TPTE: variants seen among roughly 807,000 people sequenced by gnomAD.
TPTE encodes putative tyrosine-protein phosphatase TPTE.
In TPTE, 59 loss-of-function variants were observed where a neutral mutation model predicts 84.1. That is an observed-to-expected ratio of 0.70 (90% CI 0.57 to 0.87). The LOEUF (loss-of-function observed/expected upper bound fraction) is 0.87, where lower values mean the gene tolerates loss of function less well. TPTE is among the 40% of genes least tolerant of loss of function. The pLI, the probability that TPTE is intolerant of heterozygous loss-of-function variation, is 0.00. For missense variants in TPTE, 382 were observed against 659.6 expected (o/e 0.58, Z 4.61); for synonymous variants, 130 against 223.5 (o/e 0.58, Z 3.73).
At chr21:10,549,306 A>G (rs2074528944) in intron 7 of TPTE, among the ~76,000 whole-genome samples, 1 of 152,308 alleles carries the variant, frequency 6.6e-6, no homozygotes, top group South Asian at 2.1e-4. Context: ...AAACACAGCA[A>G]CCATGAAAAT....
At chr21:10,545,385 C>T in intron 7 of TPTE, among the ~76,000 whole-genome samples, 1 of 152,428 alleles carries the variant, frequency 6.6e-6, no homozygotes, top group African/African-American at 2.4e-5. Flanking sequence ...AAATCATTGA[C>T]ATACACATTT....
chr21:10,561,793 T>C (rs1287280884), intron 10 of TPTE, among the ~76,000 whole-genome samples: 4 of 152,304 alleles, frequency 2.6e-5, no homozygotes, highest in Non-Finnish European at 5.9e-5. Context: ...TGGATCCACC[T>C]GTAGGCTAGG....
At chr21:10,574,249 TA>T (rs2075105857) in intron 14 of TPTE, among the ~76,000 whole-genome samples, 1 of 152,310 alleles carries the variant, frequency 6.6e-6, no homozygotes, top group South Asian at 2.1e-4. Flanking sequence ...TCAATAAAAA[TA>T]TAACTATCGA....
intron 15 of TPTE, among the ~76,000 whole-genome samples, chr21:10,578,081 A>G (rs1305844209): frequency 6.6e-6 from 1 of 152,302 alleles, no homozygotes; most frequent in Non-Finnish European, 1.5e-5. Flanking sequence ...AATATAATGA[A>G]TAGTCTGCTA....
chr21:10,593,487 A>T (rs1172249300), intron 19 of TPTE, among the ~76,000 whole-genome samples: 1 of 152,306 alleles, frequency 6.6e-6, no homozygotes, highest in Admixed American at 6.5e-5. Context: ...ATTTCTCACC[A>T]TTTTTTATTA....
intron 3 of TPTE, among the ~76,000 whole-genome samples, chr21:10,536,139 G>A (rs1360370082): frequency 6.6e-6 from 1 of 152,308 alleles, no homozygotes; most frequent in Non-Finnish European, 1.5e-5. Context: ...TTAGCCAGGT[G>A]TGGTGGTGCA....
chr21:10,602,636 T>G, intron 22 of TPTE: 1 of 517,266 alleles, frequency 1.9e-6, no homozygotes, highest in East Asian at 5.4e-5. Flanking sequence ...CTGGGAGCAC[T>G]GACTGGAAAG....
At chr21:10,573,989 C>T (rs1341400547) in intron 14 of TPTE, among the ~76,000 whole-genome samples, 1 of 152,308 alleles carries the variant, frequency 6.6e-6, no homozygotes, top group Non-Finnish European at 1.5e-5. Flanking sequence ...AAATAAACTC[C>T]AACTCTTGAT....
intron 14 of TPTE, among the ~76,000 whole-genome samples, chr21:10,574,770 C>T (rs375743023): frequency 6.6e-6 from 1 of 152,268 alleles, no homozygotes; most frequent in Non-Finnish European, 1.5e-5. Context: ...GTGTTTCTCT[C>T]ATGGATCTTT....
At chr21:10,582,924 G>T (rs1268354233) in intron 17 of TPTE, among the ~76,000 whole-genome samples, 1 of 152,312 alleles carries the variant, frequency 6.6e-6, no homozygotes, top group East Asian at 1.9e-4. Flanking sequence ...GTAGAGATGG[G>T]GTTTTGCCAT....
intron 10 of TPTE, among the ~76,000 whole-genome samples, chr21:10,565,201 A>T (rs113360787): frequency 1.7e-3 from 256 of 152,228 alleles, no homozygotes; most frequent in Non-Finnish European, 3.1e-3. Context: ...TAGCATTTCT[A>T]TATGTCAACA....
chr21:10,550,189 AGAT>A (rs1324269917), intron 7 of TPTE, among the ~76,000 whole-genome samples: 3 of 152,308 alleles, frequency 2.0e-5, no homozygotes, highest in Non-Finnish European at 2.9e-5. Context: ...GGAAGTAAAA[AGAT>A]GATAACCACC....
intron 5 of TPTE, 65 bp from the exon 6 acceptor site, chr21:10,542,330 T>C: frequency 1.3e-6 from 2 of 1,588,294 alleles, no homozygotes; most frequent in Non-Finnish European, 1.7e-6. Context: ...TGAAAGGTAA[T>C]TTTTCCAAAA....
At chr21:10,560,755 TTTCTCTC>T (rs1186121328) in intron 9 of TPTE, among the ~76,000 whole-genome samples, 1 of 152,306 alleles carries the variant, frequency 6.6e-6, no homozygotes, top group Non-Finnish European at 1.5e-5. Flanking sequence ...CAGTTTTACT[TTTCTCTC>T]TTGAGGTGTT....
chr21:10,558,691 C>G (rs2074732118), intron 8 of TPTE, among the ~76,000 whole-genome samples: 1 of 152,288 alleles, frequency 6.6e-6, no homozygotes, highest in Admixed American at 6.5e-5. Flanking sequence ...GAATTTGAGT[C>G]CTGTGTTGGA....
chr21:10,603,428 T>C, intron 22 of TPTE, 134 bp from the exon 23 acceptor site: 2 of 904,562 alleles, frequency 2.2e-6, no homozygotes, highest in Non-Finnish European at 3.3e-6. Flanking sequence ...TTGTTATAGA[T>C]TGCAGAGTGC....
chr21:10,522,980 GCCC>G (rs1206062890), intron 1 of TPTE, among the ~76,000 whole-genome samples: 1 of 152,302 alleles, frequency 6.6e-6, no homozygotes, highest in East Asian at 1.9e-4. Context: ...AATGAGTTAT[GCCC>G]CCAAGTCCTA....
chr21:10,527,840 A>G (rs1267875063), intron 3 of TPTE, among the ~76,000 whole-genome samples: 1 of 152,294 alleles, frequency 6.6e-6, no homozygotes, highest in African/African-American at 2.4e-5. Context: ...TAGTCACTTG[A>G]TCCTATTTGA....
At chr21:10,538,912 G>C (rs1186653061) in intron 4 of TPTE, among the ~76,000 whole-genome samples, 178 bp downstream of exon 4, 1 of 152,296 alleles carries the variant, frequency 6.6e-6, no homozygotes. Flanking sequence ...ATACAACAAG[G>C]AGACAGACGG....
Sources: gnomAD v4.1 joint callset for allele counts (sites outside exome capture counted in the v4.1 genomes callset) on GRCh38, gnomAD v4.1.1 for gene constraint, MANE v1.5 for transcripts, NCBI Gene and HGNC (gene_info 2026-07-23, HGNC 2026-07-21) for gene names.